ZDHHC22: variants seen among roughly 807,000 people sequenced by gnomAD.
ZDHHC22 encodes the protein zDHHC palmitoyltransferase 22.
ZDHHC22 carries 13 observed loss-of-function variants against 17.0 expected under a neutral mutation model. The observed-to-expected ratio is 0.76, with a 90% CI of 0.50 to 1.21. The LOEUF (loss-of-function observed/expected upper bound fraction) is 1.21. Among genes scored for constraint, ZDHHC22 ranks in the 50% most tolerant of loss-of-function variants. The pLI is 0.00. For synonymous variants in ZDHHC22, 138 were observed against 154.7 expected, an observed-to-expected ratio of 0.89 and a Z score of 0.80; for missense variants, 319 against 342.3, an observed-to-expected ratio of 0.93 and a Z score of 0.54.
intron 2 of ZDHHC22, among the ~76,000 whole-genome samples, chr14:77,136,142 G>A (rs1479041210): frequency 1.3e-5 from 2 of 152,168 alleles, no homozygotes; most frequent in Non-Finnish European, 2.9e-5. Context: ...CTTCCAAAGT[G>A]GCTCATTCGA....
chr14:77,139,702 CG>C lies in ZDHHC22; in HGVS notation c.36del (p.Ala13ProfsTer9). ...LALRLLNVVA[P>X]AYFLCISLVT... ...ACCAGGGAGATGCACAAGAAGTAGG[CG>C]GGGGCCACCACGTTGAGCAGCCGCA... On this transcript the variant is annotated frameshift_variant, in exon 2 of 3. Coordinates refer to ENST00000319374, the MANE Select transcript of ZDHHC22 (RefSeq NM_174976.2). LOFTEE classifies it high-confidence loss of function. The C allele has an allele frequency of 6.6e-7, 1 of 1,523,512 alleles. No homozygotes were observed. Among genetic ancestry groups the C allele is most frequent in the South Asian group, 1.3e-5 (1 of 77,116 alleles). 94.4% of individuals were successfully genotyped at this position (1,523,512 alleles called of 1,614,324 possible).
chr14:77,133,983 C>CT (rs1887086746), intron 2 of ZDHHC22, 35 bp from the exon 3 acceptor site: 4 of 1,520,766 alleles, frequency 2.6e-6, no homozygotes, highest in Middle Eastern at 1.8e-4. Flanking sequence ...ACCAGAGCCG[C>CT]TTTACACCCA....
chr14:77,135,190 T>TGGG (rs11350828), intron 2 of ZDHHC22, among the ~76,000 whole-genome samples: 19,650 of 142,590 alleles, frequency 0.14, 1,824 homozygotes, highest in Admixed American at 0.16. Flanking sequence ...CCTCCTCTGG[T>TGGG]GGGGGGGGGG....
rs375572416 is a variant in ZDHHC22, at chr14:77,139,626, G to A, written c.113C>T (p.Pro38Leu). 1.3e-6 allele frequency: 2 copies of A among 1,579,936 alleles called. No individual in the cohort carries two copies. The highest frequency in any genetic ancestry group is 2.3e-5 in the East Asian group (1 of 43,364). The change falls in exon 2 of 3, where the codon CCC (proline) becomes CTC (leucine). Residue 38 changes from proline (P) to leucine (L), a missense_variant. Coordinates refer to ENST00000319374, the MANE Select transcript of ZDHHC22 (RefSeq NM_174976.2). ...FLFLPSMRED[P>L]AAARLFSPAL... is the part of the protein sequence containing the mutation. Reference sequence around the variant, plus strand: ...GGGCGAGAAGAGCCGGGCGGCCGCGGGGTCCTCGCGCATGCTGGGCAGGAA... The same window carrying A: ...GGGCGAGAAGAGCCGGGCGGCCGCGAGGTCCTCGCGCATGCTGGGCAGGAA...
intron 2 of ZDHHC22, among the ~76,000 whole-genome samples, chr14:77,138,030 T>A (rs1887172497): frequency 6.6e-6 from 1 of 152,174 alleles, no homozygotes; most frequent in Non-Finnish European, 1.5e-5. Context: ...AGTCTCGGTT[T>A]CATCATCTGA....
At chr14:77,139,888 C>T (rs1594831992) in intron 1 of ZDHHC22, 136 bp from the exon 2 acceptor site, 2 of 947,052 alleles carry the variant, frequency 2.1e-6, no homozygotes, top group Non-Finnish European at 1.5e-6. Flanking sequence ...CGGATTTCCC[C>T]TCCCCAGTTC....
intron 1 of ZDHHC22, chr14:77,141,051 C>T (rs930563760): frequency 3.9e-5 from 6 of 152,296 alleles, no homozygotes; most frequent in Non-Finnish European, 7.3e-5. Flanking sequence ...GGTCCCAGCG[C>T]CCCCCGGGAA....
Position 77,139,621 on chromosome 14 carries a change from C to T in ZDHHC22, c.118G>A (p.Ala40Thr). Residue 40 changes from alanine to threonine, a missense_variant, in exon 2 of 3, where the codon GCC (alanine) becomes ACC (threonine). Coordinates refer to ENST00000319374, the MANE Select transcript of ZDHHC22 (RefSeq NM_174976.2). Reference protein sequence around the residue: ...FLPSMREDPAAARLFSPALLH... With the variant: ...FLPSMREDPATARLFSPALLH... Reference sequence around the variant, plus strand: ...AGGGCGGGCGAGAAGAGCCGGGCGGCCGCGGGGTCCTCGCGCATGCTGGGC... The same window carrying T: ...AGGGCGGGCGAGAAGAGCCGGGCGGTCGCGGGGTCCTCGCGCATGCTGGGC... 1.3e-6 allele frequency: 2 copies of T among 1,580,870 alleles called. No homozygotes were observed. The highest frequency in any genetic ancestry group is 1.3e-5 in the African/African-American group (1 of 74,386).
intron 2 of ZDHHC22, 126 bp from the exon 3 acceptor site, chr14:77,134,074 GCAA>G: frequency 8.2e-7 from 1 of 1,220,774 alleles, no homozygotes; most frequent in Non-Finnish European, 1.1e-6. Flanking sequence ...ACATTTTGTA[GCAA>G]CCTCAGCGCT....
At chr14:77,134,065 C>G in intron 2 of ZDHHC22, 117 bp from the exon 3 acceptor site, 2 of 1,258,724 alleles carry the variant, frequency 1.6e-6, no homozygotes, top group Non-Finnish European at 2.1e-6. Context: ...ATTGACGCTA[C>G]ATTTTGTAGC....
Position 77,139,647 on chromosome 14 carries a change from A to T in ZDHHC22, c.92T>A (p.Leu31Gln). 6.4e-7 allele frequency: 1 copy of T among 1,573,954 alleles called. No individual in the cohort carries two copies. The highest frequency in any genetic ancestry group is 8.6e-7 in the Non-Finnish European group (1 of 1,159,788). The change falls in exon 2 of 3, where the codon CTG becomes CAG. Residue 31 changes from leucine to glutamine, a missense_variant. Transcript: ENST00000319374. ...CGCGGGGTCCTCGCGCATGCTGGGC[A>T]GGAAGAGGAAGAGCTGCAGCACGAA... Reference protein sequence around the residue: ...VTFVLQLFLFLPSMREDPAAA... With the variant: ...VTFVLQLFLFQPSMREDPAAA...
intron 2 of ZDHHC22, among the ~76,000 whole-genome samples, chr14:77,136,524 G>A (rs143247273): frequency 1.1e-3 from 167 of 152,232 alleles, no homozygotes; most frequent in South Asian, 2.9e-3. Context: ...TAAGAATAAG[G>A]TTCAGAGAGG....
intron 2 of ZDHHC22, among the ~76,000 whole-genome samples, chr14:77,138,526 C>T (rs563023417): frequency 3.2e-4 from 49 of 151,998 alleles, no homozygotes; most frequent in African/African-American, 1.0e-3. Context: ...TTCACCACTG[C>T]GCTTCAGCCT....
intron 2 of ZDHHC22, among the ~76,000 whole-genome samples, chr14:77,136,056 C>A (rs1410703383): frequency 1.3e-5 from 2 of 152,232 alleles, no homozygotes; most frequent in Non-Finnish European, 2.9e-5. Context: ...TTCCTCCCAA[C>A]AGGCATCTAT....
intron 1 of ZDHHC22, chr14:77,141,245 C>A (rs1277621069): frequency 2.0e-5 from 3 of 151,880 alleles, no homozygotes; most frequent in Non-Finnish European, 2.9e-5. Flanking sequence ...GCCTTCCCGG[C>A]GCCGGTCGCC....
upstream of ZDHHC22, chr14:77,142,193 G>A (rs1887269390): frequency 6.6e-6 from 1 of 152,244 alleles, no homozygotes; most frequent in South Asian, 2.1e-4. Context: ...TGTCTACCTG[G>A]GTTTGAATAT....
At chr14:77,135,190 T>TGGGC (rs1887111018) in intron 2 of ZDHHC22, among the ~76,000 whole-genome samples, 1 of 143,758 alleles carries the variant, frequency 7.0e-6, no homozygotes, top group Non-Finnish European at 1.5e-5. Context: ...CCTCCTCTGG[T>TGGGC]GGGGGGGGGG....
chr14:77,140,199 G>C lies in ZDHHC22; in HGVS notation c.-14-447C>G, dbSNP rs987424623. Among the ~76,000 whole-genome samples, 12 of 152,228 alleles carry C rather than the reference G, an allele frequency of 7.9e-5. No individual in the cohort carries two copies. Among genetic ancestry groups the C allele is most frequent in the African/African-American group, 2.6e-4 (11 of 41,538 alleles). ...TGGGGTCGGGGGCAGGAGAATCAGCGGCACTTGACCTGCTGGAAATCCTGC... is the reference window on the plus strand; with the variant it reads ...TGGGGTCGGGGGCAGGAGAATCAGCCGCACTTGACCTGCTGGAAATCCTGC... On this transcript the variant is annotated intron_variant, in intron 1 of 2. Transcript: ENST00000319374. The surrounding 1 kb of genome is among the most constrained non-coding windows in gnomAD (Gnocchi z 5.9).
rs1410180272 is a variant in ZDHHC22, at chr14:77,139,771, G to A, written c.-14-19C>T. ...TACATTCCTGCGGGGCCCGGGGTGA[G>A]AAGAGGACTGACTGACTACGGCGTC... is the stretch of plus-strand genomic sequence containing the variant. On this transcript the variant is annotated intron_variant, in intron 1 of 2. Coordinates refer to ENST00000319374, the MANE Select transcript of ZDHHC22 (RefSeq NM_174976.2). 1 of 1,459,632 alleles carries A rather than the reference G, an allele frequency of 6.9e-7. No individual in the cohort carries two copies. The highest frequency in any genetic ancestry group is 2.8e-5 in the Admixed American group (1 of 36,138). 90.4% of individuals were successfully genotyped at this position (1,459,632 alleles called of 1,614,324 possible). A position where few individuals can be genotyped will look rare whatever the true frequency, so the allele number is the denominator to read the frequency against.
Sources: allele counts gnomAD v4.1 joint callset (sites outside exome capture counted in the v4.1 genomes callset), GRCh38; gene constraint gnomAD v4.1.1; non-coding constraint Gnocchi (gnomAD v3.1); transcripts MANE v1.5; gene names NCBI Gene and HGNC (gene_info 2026-07-23, HGNC 2026-07-21).